Variants in MYH8 observed in about 807,000 individuals in gnomAD.
The protein encoded by MYH8 is myosin-8.
MYH8 carries 168 observed loss-of-function variants against 233.2 expected under a neutral mutation model. The observed-to-expected ratio is 0.72, with a 90% CI of 0.64 to 0.82. The LOEUF is 0.82. MYH8 is among the 40% of genes least tolerant of loss of function. The pLI is 0.00. For synonymous variants in MYH8, 785 were observed against 850.6 expected (o/e 0.92, Z 1.34); for missense variants, 1,995 against 2,327.8 (o/e 0.86, Z 2.94).
At position 10,400,550 on chromosome 17, in the gene MYH8, A is replaced by C; in HGVS notation, c.3575T>G (p.Val1192Gly). The C allele has an allele frequency of 1.2e-6, 2 of 1,614,200 alleles. No individual in the cohort carries two copies. The highest frequency in any genetic ancestry group is 1.7e-6 in the Non-Finnish European group (2 of 1,180,026). The part of the protein sequence containing the change: ...EEATLQHEAM[V>G]AALRKKHADS... ...TGCGTGCTTCTTCCGAAGAGCAGCC[A>C]CCATAGCTTCATGCTGCAGGGTGGC... is the stretch of plus-strand genomic sequence containing the variant. Residue 1192 changes from valine (V) to glycine (G), a missense_variant, in exon 27 of 40, where the codon GTG becomes GGG. Val to Gly is a moderately radical substitution (Grantham distance 109). Around this residue, in one of 3 missense-constraint regions of MYH8, gnomAD observed 1,498 missense variants for 1,680.9 expected, o/e 0.89. Transcript: ENST00000403437. This position sits in a 1 kb window ranked among gnomAD's most constrained non-coding sequence, Gnocchi z 4.0.
intron 2 of MYH8, among the ~76,000 whole-genome samples, chr17:10,420,863 G>A (rs532713760): frequency 6.6e-6 from 1 of 152,262 alleles, no homozygotes; most frequent in East Asian, 1.9e-4. Context: ...AACAGACTTA[G>A]CATTGCCTTG....
chr17:10,408,302 G>A (rs2072214242), intron 17 of MYH8, among the ~76,000 whole-genome samples: 1 of 152,090 alleles, frequency 6.6e-6, no homozygotes, highest in South Asian at 2.1e-4. Context: ...AATAAGTAAT[G>A]TGAGTTCCTA....
Position 10,413,962 on chromosome 17 carries a change from C to T in MYH8, c.1087G>A (p.Gly363Arg), listed in dbSNP as rs779545922. 1 of 1,614,070 alleles carries T rather than the reference C, an allele frequency of 6.2e-7. No homozygotes were observed. The highest frequency in any genetic ancestry group is 1.1e-5 in the South Asian group (1 of 91,080). Residue 363 changes from glycine (G) to arginine (R), a missense_variant, in exon 12 of 40, where the codon GGG becomes AGG. Around this residue, in one of 3 missense-constraint regions of MYH8, gnomAD observed 479 missense variants for 600.9 expected, o/e 0.80. Transcript: ENST00000403437. ...TGCTTTTGCTTGAATTTCATGTTCCCATAATGCATCACAGCCCCTGTGAGT... is the reference window on the plus strand; with the variant it reads ...TGCTTTTGCTTGAATTTCATGTTCCTATAATGCATCACAGCCCCTGTGAGT... ...YKLTGAVMHY[G>R]NMKFKQKQRE... is the part of the protein sequence containing the mutation.
In MYH8 at chr17:10,396,322, A is replaced by G. The variant is rs777530660; in HGVS notation, c.4653+8T>C. 2.5e-5 allele frequency: 40 copies of G among 1,613,644 alleles called. No individual in the cohort carries two copies. The East Asian group carries it at 8.9e-4, about 36-fold the overall frequency. On this transcript the variant is annotated splice_region_variant and intron_variant, in intron 33 of 39. Coordinates refer to ENST00000403437, the MANE Select transcript of MYH8 (RefSeq NM_002472.3). This position sits in a 1 kb window ranked among gnomAD's most constrained non-coding sequence, Gnocchi z 4.2. Reference sequence around the variant, plus strand: ...TTTTTCCATAACATAATACAAGGTAATATGTACCTCTGCTTCCTCTAAAGC... The same window carrying G: ...TTTTTCCATAACATAATACAAGGTAGTATGTACCTCTGCTTCCTCTAAAGC...
chr17:10,392,901 T>A lies in MYH8; in HGVS notation c.5393A>T (p.His1798Leu), dbSNP rs1487340735. The stretch of plus-strand genomic sequence containing the variant: ...CAGCTGCTCGGCCTCATCTAGACGA[T>A]GCTGCAGGTCCTTCACCGTCTGCTC... ...NLEQTVKDLQ[H>L]RLDEAEQLAL... The change falls in exon 37 of 40, where the codon CAT (histidine) becomes CTT (leucine). Residue 1798 changes from histidine (H) to leucine (L), a missense_variant. By Grantham distance (99) the His-to-Leu change is moderately conservative. Around this residue, in one of 3 missense-constraint regions of MYH8, gnomAD observed 1,498 missense variants for 1,680.9 expected, o/e 0.89. Coordinates refer to ENST00000403437, the MANE Select transcript of MYH8 (RefSeq NM_002472.3). 2.5e-6 allele frequency: 4 copies of A among 1,614,238 alleles called. No homozygotes were observed. In the South Asian group the frequency reaches 4.4e-5, roughly 18 times the overall value.
At position 10,419,147 on chromosome 17, in the gene MYH8, C is replaced by T. The variant is rs961490010; in HGVS notation, c.211-117G>A. ...ATCTCAGCTCACTGCAACCTCCGCC[C>T]TCCTGCTTCAAGTGATTGTCCTGCC... is the stretch of plus-strand genomic sequence containing the variant. On this transcript the variant is annotated intron_variant, in intron 3 of 39. Transcript: ENST00000403437. The surrounding 1 kb of genome is among the most constrained non-coding windows in gnomAD (Gnocchi z 4.0). 2 of 1,214,412 alleles carry T rather than the reference C, an allele frequency of 1.6e-6. No individual in the cohort carries two copies. The highest frequency in any genetic ancestry group is 1.5e-5 in the African/African-American group (1 of 66,558). The allele number at this position is 1,214,412 out of a possible 1,614,324, so 75.2% of individuals were successfully genotyped here.
intron 14 of MYH8, among the ~76,000 whole-genome samples, chr17:10,411,457 T>A (rs2142185450): frequency 6.6e-6 from 1 of 152,268 alleles, no homozygotes; most frequent in Non-Finnish European, 1.5e-5. Context: ...GATATCAATG[T>A]TAGAACAAGA....
intron 39 of MYH8, 30 bp from the exon 40 acceptor site, chr17:10,390,633 A>AGC: frequency 1.9e-6 from 3 of 1,611,536 alleles, no homozygotes. Context: ...TGTGAGAATT[A>AGC]GACTGTGTGG....
Position 10,390,483 on chromosome 17 carries a change from C to T in MYH8, c.5785G>A (p.Glu1929Lys). 6.2e-7 allele frequency: 1 copy of T among 1,613,954 alleles called. No individual in the cohort carries two copies. Among genetic ancestry groups the T allele is most frequent in the Non-Finnish European group, 8.5e-7 (1 of 1,180,040 alleles). Residue 1929 changes from glutamate (E) to lysine (K), a missense_variant, in exon 40 of 40, where the codon GAG (glutamate) becomes AAG (lysine). By Grantham distance (56) the Glu-to-Lys change is moderately conservative (BLOSUM62 1). This residue lies in a region of MYH8 where 1,498 missense variants were observed against 1,680.9 expected (regional missense o/e 0.89). Transcript: ENST00000403437. ...TCTGCACTGATTTTTGTGTGAACCTCTCGGCTCTTCACTCGCAATTTGTTG... is the reference window on the plus strand; with the variant it reads ...TCTGCACTGATTTTTGTGTGAACCTTTCGGCTCTTCACTCGCAATTTGTTG... ...QVNKLRVKSR[E>K]VHTKISAE
chr17:10,408,322 A>G (rs1444971122), intron 17 of MYH8, among the ~76,000 whole-genome samples: 1 of 152,160 alleles, frequency 6.6e-6, no homozygotes, highest in East Asian at 1.9e-4. Context: ...AATTTTGAAA[A>G]CATGTATGAA....
Position 10,418,937 on chromosome 17 carries a change from G to T in MYH8, c.304C>A (p.Pro102Thr), listed in dbSNP as rs149941951. 2 of 1,614,188 alleles carry T rather than the reference G, an allele frequency of 1.2e-6. No individual in the cohort carries two copies. Among genetic ancestry groups the T allele is most frequent in the Non-Finnish European group, 8.5e-7 (1 of 1,180,020 alleles). The change falls in exon 4 of 40, where the codon CCT (proline) becomes ACT (threonine). Residue 102 changes from proline (P) to threonine (T), a missense_variant. By Grantham distance (38) the Pro-to-Thr change is conservative. This residue lies in a region of MYH8 where 479 missense variants were observed against 600.9 expected (regional missense o/e 0.80). Transcript: ENST00000403437. ...TCTTTGAGGTTGTACAGCACTCCAG[G>T]CTCGTGTAGATGAGTCATCATGGCC... ...DMAMMTHLHEPGVLYNLKERY... is the reference protein window; with the variant it reads ...DMAMMTHLHETGVLYNLKERY...
At chr17:10,404,981 T>C (rs930422396) in intron 21 of MYH8, among the ~76,000 whole-genome samples, 3 of 152,156 alleles carry the variant, frequency 2.0e-5, no homozygotes, top group Admixed American at 1.3e-4. Flanking sequence ...GCATGTTGAT[T>C]GTGCTGCCTG....
At chr17:10,399,400 G>T in intron 28 of MYH8, 143 bp downstream of exon 28, 1 of 1,399,206 alleles carries the variant, frequency 7.1e-7, no homozygotes, top group Non-Finnish European at 1.0e-6. Context: ...GCTCAGTCTT[G>T]ACTTCTTTCC....
At chr17:10,405,574 T>A (rs2142179491) in intron 21 of MYH8, among the ~76,000 whole-genome samples, 1 of 152,316 alleles carries the variant, frequency 6.6e-6, no homozygotes, top group Non-Finnish European at 1.5e-5. Flanking sequence ...TAGTGTTGGG[T>A]AGATAAACTG....
intron 21 of MYH8, 97 bp from the exon 22 acceptor site, chr17:10,404,682 C>T (rs2072175571): frequency 1.4e-6 from 2 of 1,414,378 alleles, no homozygotes; most frequent in Non-Finnish European, 9.8e-7. Flanking sequence ...GAATGCCGCT[C>T]ACAAATAAAT....
intron 22 of MYH8, 108 bp downstream of exon 22, chr17:10,404,222 A>G (rs1220398821): frequency 2.1e-6 from 3 of 1,401,668 alleles, no homozygotes; most frequent in Non-Finnish European, 3.0e-6. Context: ...TATTAAAAAC[A>G]GCAACTTGAG....
intron 5 of MYH8, among the ~76,000 whole-genome samples, chr17:10,416,520 G>A (rs112724311): frequency 2.1e-3 from 315 of 152,196 alleles, no homozygotes; most frequent in African/African-American, 7.3e-3. Context: ...ATTTGTTGAG[G>A]AACTACCATA....
chr17:10,407,762 C>T (rs574769097), intron 17 of MYH8, among the ~76,000 whole-genome samples: 1 of 151,748 alleles, frequency 6.6e-6, no homozygotes, highest in South Asian at 2.1e-4. Flanking sequence ...TTACCTGATA[C>T]CAGGAGGCAG....
intron 39 of MYH8, among the ~76,000 whole-genome samples, chr17:10,391,525 CA>C (rs1200066299): frequency 6.6e-5 from 10 of 152,136 alleles, no homozygotes; most frequent in Admixed American, 1.3e-4. Flanking sequence ...ACTAAAAATA[CA>C]AAAACCAGCC....
Sources: allele counts gnomAD v4.1 joint callset (sites outside exome capture counted in the v4.1 genomes callset), GRCh38; gene constraint gnomAD v4.1.1; regional missense constraint gnomAD v4.1.1; non-coding constraint Gnocchi (gnomAD v3.1); transcripts MANE v1.5; gene names NCBI Gene and HGNC (gene_info 2026-07-23, HGNC 2026-07-21).